The following HMGCLL1 variants were observed in gnomAD, a reference collection of about 807,000 sequenced individuals.
HMGCLL1 encodes 3-hydroxymethyl-3-methylglutaryl-CoA lyase, cytoplasmic.
Under a neutral mutation model 39.1 loss-of-function variants are expected in HMGCLL1, and 36 were observed. The ratio of observed to expected loss-of-function variants is 0.92; its 90% CI spans 0.71 to 1.22. HMGCLL1 has a LOEUF of 1.22. Ranked by LOEUF, HMGCLL1 falls within the 50% of genes most tolerant of loss-of-function variation. HMGCLL1 has a pLI of 0.00. For missense variants in HMGCLL1, 451 were observed against 416.5 expected, an observed-to-expected ratio of 1.08 and a Z score of -0.72; for synonymous variants, 149 against 144.0, an observed-to-expected ratio of 1.03 and a Z score of -0.25.
the HMGCLL1 span, among the ~76,000 whole-genome samples, chr6:55,622,626 G>A: frequency 3.3e-5 from 5 of 152,050 alleles, no homozygotes; most frequent in African/African-American, 9.7e-5. Flanking sequence ...GTCATGATGA[G>A]TGGTCTTTTT....
chr6:55,600,188 C>A, the HMGCLL1 span, among the ~76,000 whole-genome samples: 14 of 151,948 alleles, frequency 9.2e-5, no homozygotes, highest in East Asian at 2.5e-3. Flanking sequence ...AAAAAGGCCT[C>A]CAAAATTATT....
At chr6:55,468,391 C>T (rs2127401255) in intron 7 of HMGCLL1, among the ~76,000 whole-genome samples, 2 of 151,944 alleles carry the variant, frequency 1.3e-5, no homozygotes. Flanking sequence ...TGATGAATTC[C>T]TATGAGGAAT....
intron 3 of HMGCLL1, among the ~76,000 whole-genome samples, chr6:55,538,621 G>A (rs920063796): frequency 1.3e-5 from 2 of 152,120 alleles, no homozygotes; most frequent in Admixed American, 1.3e-4. Context: ...TGAACAAAGT[G>A]AGAGTCAATT....
At chr6:55,624,002 A>G in the HMGCLL1 span, among the ~76,000 whole-genome samples, 4 of 152,210 alleles carry the variant, frequency 2.6e-5, no homozygotes, top group South Asian at 2.1e-4. Context: ...GAGGACCACA[A>G]TGACGTTTTG....
At chr6:55,655,783 T>C in the HMGCLL1 span, among the ~76,000 whole-genome samples, 1 of 152,008 alleles carries the variant, frequency 6.6e-6, no homozygotes. Context: ...TTGAATTGCT[T>C]TTAATTGTTA....
chr6:55,656,555 C>T, the HMGCLL1 span, among the ~76,000 whole-genome samples: 1 of 151,846 alleles, frequency 6.6e-6, no homozygotes, highest in Non-Finnish European at 1.5e-5. Context: ...ATCCATCTGC[C>T]AGCCAGATCC....
chr6:55,542,989 A>G (rs1769560290), intron 1 of HMGCLL1, among the ~76,000 whole-genome samples: 2 of 103,958 alleles, frequency 1.9e-5, no homozygotes, highest in African/African-American at 4.6e-5. Context: ...ATAATACAAT[A>G]TATATTATAA....
the HMGCLL1 span, among the ~76,000 whole-genome samples, chr6:55,589,555 A>G: frequency 6.6e-6 from 1 of 152,152 alleles, no homozygotes; most frequent in Non-Finnish European, 1.5e-5. Context: ...TGGCCAGGGC[A>G]ATTAGGCAGG....
intron 3 of HMGCLL1, among the ~76,000 whole-genome samples, chr6:55,541,352 G>A (rs191561304): frequency 1.8e-4 from 28 of 152,296 alleles, no homozygotes; most frequent in African/African-American, 6.3e-4. Context: ...TGGGATTCTA[G>A]AAGGAAGCTA....
chr6:55,435,436 A>T lies in HMGCLL1; in HGVS notation c.*226T>A. On this transcript the variant is annotated 3_prime_UTR_variant, in exon 9 of 9. Transcript: ENST00000274901. ...AAAGAAACTTTTTTCCAAGTTCAAA[A>T]TTATGACAAGTTTTATTATTTATCC... 1 of 363,102 alleles carries T rather than the reference A, an allele frequency of 2.8e-6. No individual in the cohort carries two copies. Among genetic ancestry groups the T allele is most frequent in the East Asian group, 4.3e-5 (1 of 23,202 alleles). The allele number at this position is 363,102 out of a possible 1,614,324, so 22.5% of individuals were successfully genotyped here. A position where few individuals can be genotyped will look rare whatever the true frequency, so the allele number is the denominator to read the frequency against.
chr6:55,627,261 A>G, the HMGCLL1 span, among the ~76,000 whole-genome samples: 7 of 152,022 alleles, frequency 4.6e-5, 1 homozygote, highest in Admixed American at 2.6e-4. Context: ...TTAAGAAAAT[A>G]TCTCCATTTT....
chr6:55,650,128 T>TACACACACATATAC, the HMGCLL1 span, among the ~76,000 whole-genome samples: 1 of 53,708 alleles, frequency 1.9e-5, no homozygotes, highest in East Asian at 7.7e-4. Context: ...TATATATATA[T>TACACACACATATAC]ATATATACAC....
At chr6:55,628,692 C>T in the HMGCLL1 span, among the ~76,000 whole-genome samples, 1 of 151,988 alleles carries the variant, frequency 6.6e-6, no homozygotes, top group Non-Finnish European at 1.5e-5. Flanking sequence ...TCTTGAATTC[C>T]CACGTGTTGT....
intron 5 of HMGCLL1, among the ~76,000 whole-genome samples, chr6:55,504,018 T>A (rs554462441): frequency 1.3e-5 from 2 of 151,780 alleles, no homozygotes; most frequent in Admixed American, 1.3e-4. Context: ...TTTGATTACA[T>A]ATTTTTCCAC....
intron 5 of HMGCLL1, among the ~76,000 whole-genome samples, chr6:55,511,620 T>C (rs1767466512): frequency 6.6e-6 from 1 of 152,106 alleles, no homozygotes; most frequent in South Asian, 2.1e-4. Flanking sequence ...GCTGTTACCA[T>C]GCAAGACATG....
chr6:55,462,203 A>C (rs1176157351), intron 7 of HMGCLL1, among the ~76,000 whole-genome samples: 1 of 152,142 alleles, frequency 6.6e-6, no homozygotes, highest in Non-Finnish European at 1.5e-5. Context: ...TTCCTTCTCT[A>C]TGCTTACCTT....
intron 7 of HMGCLL1, among the ~76,000 whole-genome samples, chr6:55,487,399 A>G (rs1766087742): frequency 6.6e-6 from 1 of 151,950 alleles, no homozygotes; most frequent in Non-Finnish European, 1.5e-5. Flanking sequence ...TGCACCTATC[A>G]ACCCGTCACC....
upstream of HMGCLL1, among the ~76,000 whole-genome samples, chr6:55,580,918 A>C (rs1013190177): frequency 6.6e-6 from 1 of 152,176 alleles, no homozygotes; most frequent in African/African-American, 2.4e-5. Context: ...CTGCAAGTGA[A>C]ATGGACGGTA....
intron 3 of HMGCLL1, among the ~76,000 whole-genome samples, chr6:55,536,049 A>T (rs1190272979): frequency 1.3e-5 from 2 of 152,186 alleles, no homozygotes; most frequent in African/African-American, 2.4e-5. Flanking sequence ...ACTTCAATCC[A>T]GTAAATGTGT....
Sources: allele counts gnomAD v4.1 joint callset (sites outside exome capture counted in the v4.1 genomes callset), GRCh38; gene constraint gnomAD v4.1.1; transcripts MANE v1.5; gene names NCBI Gene and HGNC (gene_info 2026-07-23, HGNC 2026-07-21).